ZNF385D: variants seen among roughly 807,000 people sequenced by gnomAD.
The protein encoded by ZNF385D is zinc finger protein 385D.
In ZNF385D, 15 loss-of-function variants were observed where a neutral mutation model predicts 35.8. That is an observed-to-expected ratio of 0.42 (90% CI 0.28 to 0.64). The LOEUF is 0.64. Among genes scored for constraint, ZNF385D ranks in the 30% least tolerant of loss-of-function variants. The probability of loss-of-function intolerance (pLI) is 0.23; values close to 1 mark genes in which losing one functional copy is unlikely to be tolerated. For synonymous variants in ZNF385D, 212 were observed against 186.8 expected, an observed-to-expected ratio of 1.13 and a Z score of -1.10; for missense variants, 474 against 494.6, an observed-to-expected ratio of 0.96 and a Z score of 0.39.
At chr3:21,601,997 G>C (rs956601935) in intron 2 of ZNF385D, among the ~76,000 whole-genome samples, 1 of 152,180 alleles carries the variant, frequency 6.6e-6, no homozygotes, top group African/African-American at 2.4e-5. Context: ...CCGAGACTGG[G>C]TAATTTATAA....
chr3:21,764,058 G>A (rs139756745), intron 3 of ZNF385D, among the ~76,000 whole-genome samples: 2 of 152,264 alleles, frequency 1.3e-5, no homozygotes, highest in East Asian at 3.9e-4. Flanking sequence ...GAAAAGTAGG[G>A]AAAGATGGAT....
intron 2 of ZNF385D, among the ~76,000 whole-genome samples, chr3:22,323,256 C>A (rs189561137): frequency 3.5e-4 from 53 of 152,220 alleles, no homozygotes; most frequent in African/African-American, 1.3e-3. Context: ...AGGATCTCTC[C>A]CTTCCTGACC....
chr3:22,306,715 A>G (rs1703243164), intron 2 of ZNF385D, among the ~76,000 whole-genome samples: 1 of 152,070 alleles, frequency 6.6e-6, no homozygotes, highest in East Asian at 1.9e-4. Flanking sequence ...ATTGTCAGAG[A>G]GTTGGAGAGA....
chr3:21,884,907 G>A (rs1360689578), intron 3 of ZNF385D, among the ~76,000 whole-genome samples: 2 of 100,696 alleles, frequency 2.0e-5, no homozygotes, highest in East Asian at 5.6e-4. Flanking sequence ...AAATTTATCT[G>A]CACTTTTTTT....
At chr3:21,932,643 T>A (rs1701071047) in intron 3 of ZNF385D, among the ~76,000 whole-genome samples, 1 of 151,788 alleles carries the variant, frequency 6.6e-6, no homozygotes. Flanking sequence ...CTTAAGAAAG[T>A]TAAGGAGGTT....
Position 21,421,168 on chromosome 3 carries a change from T to A in ZNF385D, c.*46A>T. On this transcript the variant is annotated 3_prime_UTR_variant, in exon 8 of 8. Transcript: ENST00000281523. The stretch of plus-strand genomic sequence containing the variant: ...AGTTCTCTTTTGTTTGTTTTGTTTT[T>A]TGTTTTTTGAAAAATTATTGCAGTA... 1 of 1,517,488 alleles carries A rather than the reference T, an allele frequency of 6.6e-7. No individual in the cohort carries two copies. 94.0% of individuals were successfully genotyped at this position (1,517,488 alleles called of 1,614,324 possible).
chr3:22,003,307 GACC>G (rs959856174), intron 3 of ZNF385D, among the ~76,000 whole-genome samples: 1 of 152,078 alleles, frequency 6.6e-6, no homozygotes, highest in East Asian at 1.9e-4. Flanking sequence ...CAGATATCAA[GACC>G]ACAATTTCAT....
chr3:22,119,790 G>A (rs1702993298), intron 3 of ZNF385D, among the ~76,000 whole-genome samples: 1 of 151,784 alleles, frequency 6.6e-6, no homozygotes, highest in South Asian at 2.1e-4. Flanking sequence ...GATATCTGAT[G>A]AGCTTTTACT....
intron 1 of ZNF385D, among the ~76,000 whole-genome samples, chr3:21,749,830 A>G (rs1317765544): frequency 6.6e-6 from 1 of 152,256 alleles, no homozygotes; most frequent in African/African-American, 2.4e-5. Flanking sequence ...AATAGTACAT[A>G]CAGAAATAAA....
intron 4 of ZNF385D, among the ~76,000 whole-genome samples, chr3:21,462,901 G>A (rs1368864227): frequency 2.6e-5 from 4 of 152,114 alleles, no homozygotes; most frequent in South Asian, 4.1e-4. Flanking sequence ...AGAATCACTC[G>A]AACCAGGGAG....
chr3:21,647,418 T>C (rs77612517), intron 2 of ZNF385D, among the ~76,000 whole-genome samples: 18,541 of 149,458 alleles, frequency 0.12, 1,204 homozygotes, highest in Admixed American at 0.15. Flanking sequence ...CTTTTCCTTC[T>C]CTCACTTCCT....
chr3:22,260,540 T>C (rs1217286642), intron 2 of ZNF385D, among the ~76,000 whole-genome samples: 1 of 151,962 alleles, frequency 6.6e-6, no homozygotes, highest in Non-Finnish European at 1.5e-5. Flanking sequence ...TTAGAATTGA[T>C]TTTGATAGGT....
chr3:21,790,497 T>C (rs1211732906), intron 3 of ZNF385D, among the ~76,000 whole-genome samples: 1 of 152,200 alleles, frequency 6.6e-6, no homozygotes, highest in African/African-American at 2.4e-5. Context: ...TATACTTGTA[T>C]TTCTTTTAAA....
intron 3 of ZNF385D, among the ~76,000 whole-genome samples, chr3:21,853,416 T>C (rs991754836): frequency 1.3e-5 from 2 of 151,786 alleles, no homozygotes; most frequent in East Asian, 1.9e-4. Context: ...TTAATATTTA[T>C]AGCATGATGG....
At chr3:22,362,338 T>C (rs907868402) in intron 2 of ZNF385D, among the ~76,000 whole-genome samples, 2 of 152,064 alleles carry the variant, frequency 1.3e-5, no homozygotes, top group African/African-American at 4.8e-5. Context: ...TAGACAAATT[T>C]CTGAATAATT....
chr3:22,262,841 C>A (rs1232218047), intron 2 of ZNF385D, among the ~76,000 whole-genome samples: 1 of 151,870 alleles, frequency 6.6e-6, no homozygotes, highest in Non-Finnish European at 1.5e-5. Context: ...TGGTCTTCGT[C>A]CCCTCTTCCC....
chr3:21,830,669 T>G (rs946578298), intron 3 of ZNF385D, among the ~76,000 whole-genome samples: 1 of 152,058 alleles, frequency 6.6e-6, no homozygotes, highest in Admixed American at 6.5e-5. Context: ...TCTTTATTAG[T>G]AGAGTTGCGG....
chr3:21,773,136 G>A (rs950124679), intron 3 of ZNF385D, among the ~76,000 whole-genome samples: 1 of 151,752 alleles, frequency 6.6e-6, no homozygotes, highest in Non-Finnish European at 1.5e-5. Context: ...AGGTGGTAAT[G>A]GTTGCACAAC....
intron 2 of ZNF385D, among the ~76,000 whole-genome samples, chr3:22,203,510 G>A (rs191422894): frequency 2.6e-5 from 4 of 152,204 alleles, no homozygotes; most frequent in Non-Finnish European, 4.4e-5. Context: ...TATAGCTTAG[G>A]TACCAGCTCA....
Sources: allele counts gnomAD v4.1 joint callset (sites outside exome capture counted in the v4.1 genomes callset), GRCh38; gene constraint gnomAD v4.1.1; transcripts MANE v1.5; gene names NCBI Gene and HGNC (gene_info 2026-07-23, HGNC 2026-07-21).